Variants in SOX5 observed in about 807,000 individuals in gnomAD.
SOX5 encodes the protein SRY-box transcription factor 5.
In SOX5, 9 loss-of-function variants were observed where a neutral mutation model predicts 92.0. The ratio of observed to expected loss-of-function variants is 0.10; its 90% CI spans 0.06 to 0.17. The LOEUF is 0.17. Ranked by LOEUF, SOX5 falls within the 10% of genes least tolerant of loss-of-function variation. SOX5 has a pLI of 1.00. For synonymous variants in SOX5, 344 were observed against 336.3 expected (o/e 1.02, Z -0.25); for missense variants, 642 against 944.5 (o/e 0.68, Z 4.20).
chr12:24,063,735 A>G (rs1167028639), intron 4 of SOX5, among the ~76,000 whole-genome samples: 2 of 152,224 alleles, frequency 1.3e-5, no homozygotes, highest in African/African-American at 4.8e-5. Flanking sequence ...ACTAATACAC[A>G]TAAGGCACAC....
chr12:24,295,188 A>G (rs1332754176), intron 2 of SOX5, among the ~76,000 whole-genome samples: 3 of 152,182 alleles, frequency 2.0e-5, no homozygotes, highest in Non-Finnish European at 4.4e-5. Flanking sequence ...ACATAAGTAT[A>G]TATGAGAAAG....
At chr12:24,388,072 C>T (rs1023108487) in intron 1 of SOX5, among the ~76,000 whole-genome samples, 3 of 152,192 alleles carry the variant, frequency 2.0e-5, no homozygotes, top group African/African-American at 4.8e-5. Flanking sequence ...AAGGGAACTT[C>T]AGAAGTAATT....
At chr12:24,196,723 G>T (rs562527400) in intron 4 of SOX5, among the ~76,000 whole-genome samples, 7 of 152,070 alleles carry the variant, frequency 4.6e-5, no homozygotes, top group African/African-American at 1.7e-4. Context: ...GGGCAATATG[G>T]CAAAACTCCA....
chr12:24,531,073 A>G (rs2138649518), intron 1 of SOX5, among the ~76,000 whole-genome samples: 1 of 152,302 alleles, frequency 6.6e-6, no homozygotes, highest in African/African-American at 2.4e-5. Context: ...TATCCGTGGA[A>G]ATTATCTATT....
chr12:24,217,779 G>A (rs903113899), intron 3 of SOX5, among the ~76,000 whole-genome samples: 1 of 152,090 alleles, frequency 6.6e-6, no homozygotes, highest in South Asian at 2.1e-4. Flanking sequence ...AATGTATAAA[G>A]AACTCTTAGA....
chr12:23,701,793 G>A (rs2090666295), intron 6 of SOX5, among the ~76,000 whole-genome samples: 1 of 152,062 alleles, frequency 6.6e-6, no homozygotes, highest in African/African-American at 2.4e-5. Flanking sequence ...CATTGTCACG[G>A]ATCAAGGGGA....
intron 3 of SOX5, among the ~76,000 whole-genome samples, chr12:23,760,561 C>T (rs1425155788): frequency 6.6e-6 from 1 of 152,068 alleles, no homozygotes; most frequent in African/African-American, 2.4e-5. Flanking sequence ...GCCTCTTTTG[C>T]TCACATATGC....
chr12:23,959,709 T>C (rs565723613), intron 4 of SOX5, among the ~76,000 whole-genome samples: 3 of 152,158 alleles, frequency 2.0e-5, no homozygotes, highest in East Asian at 1.9e-4. Flanking sequence ...AACAAGTCAA[T>C]AGTAAAATAA....
intron 6 of SOX5, among the ~76,000 whole-genome samples, chr12:23,709,142 C>T (rs998579464): frequency 2.0e-5 from 3 of 152,046 alleles, no homozygotes; most frequent in African/African-American, 7.2e-5. Flanking sequence ...TGCTCTGGTG[C>T]CCAGGCTGGA....
At chr12:24,496,618 T>C (rs1170197251) in intron 1 of SOX5, among the ~76,000 whole-genome samples, 1 of 152,170 alleles carries the variant, frequency 6.6e-6, no homozygotes, top group Non-Finnish European at 1.5e-5. Context: ...TCTATTTGGC[T>C]GGTTAAAATG....
intron 4 of SOX5, among the ~76,000 whole-genome samples, chr12:23,979,215 G>T (rs1949241458): frequency 6.6e-6 from 1 of 151,922 alleles, no homozygotes; most frequent in African/African-American, 2.4e-5. Flanking sequence ...ATTAATACCT[G>T]TGGGTTTTTT....
intron 1 of SOX5, among the ~76,000 whole-genome samples, chr12:24,418,043 C>A (rs1050052081): frequency 6.6e-5 from 10 of 151,944 alleles, no homozygotes; most frequent in Non-Finnish European, 1.2e-4. Context: ...AAGATTTTTA[C>A]AACCAAATCA....
chr12:24,516,005 G>A (rs2034938548), intron 1 of SOX5, among the ~76,000 whole-genome samples: 1 of 150,426 alleles, frequency 6.6e-6, no homozygotes. Flanking sequence ...TAGACATGGA[G>A]TAGTTTTTTC....
At chr12:24,159,131 T>C (rs2138955842) in intron 4 of SOX5, among the ~76,000 whole-genome samples, 1 of 151,960 alleles carries the variant, frequency 6.6e-6, no homozygotes, top group African/African-American at 2.4e-5. Flanking sequence ...ATTCATTATA[T>C]CTAATTCCCT....
chr12:24,115,075 T>C (rs995910747), intron 4 of SOX5, among the ~76,000 whole-genome samples: 1 of 152,264 alleles, frequency 6.6e-6, no homozygotes, highest in South Asian at 2.1e-4. Context: ...ACGGAATGTA[T>C]AAGAGAAGAG....
intron 4 of SOX5, among the ~76,000 whole-genome samples, chr12:24,048,688 G>C (rs1217454243): frequency 6.6e-6 from 1 of 152,124 alleles, no homozygotes; most frequent in Non-Finnish European, 1.5e-5. Flanking sequence ...AAAAATACCT[G>C]AACTATTAAC....
At chr12:23,593,286 C>A (rs372421762) in intron 9 of SOX5, among the ~76,000 whole-genome samples, 2 of 152,154 alleles carry the variant, frequency 1.3e-5, no homozygotes, top group Non-Finnish European at 2.9e-5. Context: ...TGTTGAAGAC[C>A]TTTTCTCCCA....
At chr12:24,335,946 T>A (rs1951823310) in intron 2 of SOX5, among the ~76,000 whole-genome samples, 1 of 125,586 alleles carries the variant, frequency 8.0e-6, no homozygotes, top group African/African-American at 2.8e-5. Flanking sequence ...TTTCAATAGT[T>A]CCTGGGTCCA....
chr12:24,427,107 A>G (rs1197989610), intron 1 of SOX5, among the ~76,000 whole-genome samples: 1 of 152,196 alleles, frequency 6.6e-6, no homozygotes, highest in African/African-American at 2.4e-5. Flanking sequence ...CACAGTACCT[A>G]TTAGCGATAT....
Sources: gnomAD v4.1 joint callset for allele counts (sites outside exome capture counted in the v4.1 genomes callset) on GRCh38, gnomAD v4.1.1 for gene constraint, MANE v1.5 for transcripts, NCBI Gene and HGNC (gene_info 2026-07-23, HGNC 2026-07-21) for gene names.